MYO16: variants seen among roughly 807,000 people sequenced by gnomAD.
MYO16 encodes the protein myosin XVI.
MYO16 carries 94 observed loss-of-function variants against 205.3 expected under a neutral mutation model. The ratio of observed to expected loss-of-function variants is 0.46; its 90% CI spans 0.39 to 0.54. The LOEUF (loss-of-function observed/expected upper bound fraction) is 0.54, where lower values mean the gene tolerates loss of function less well. Ranked by LOEUF, MYO16 falls within the 20% of genes least tolerant of loss-of-function variation. The pLI is 0.00. For missense variants in MYO16, 2,315 were observed against 2,387.5 expected (o/e 0.97, Z 0.63); for synonymous variants, 988 against 954.0 (o/e 1.04, Z -0.66).
chr13:108,791,562 G>A (rs767116210), intron 5 of MYO16, among the ~76,000 whole-genome samples: 1 of 152,134 alleles, frequency 6.6e-6, no homozygotes, highest in African/African-American at 2.4e-5. Flanking sequence ...TAAGTTACTT[G>A]CCCACATTGG....
At chr13:109,075,789 T>G (rs537824605) in intron 27 of MYO16, among the ~76,000 whole-genome samples, 2 of 152,344 alleles carry the variant, frequency 1.3e-5, no homozygotes, top group Middle Eastern at 3.4e-3. Flanking sequence ...TCTTTATATA[T>G]TCTGAAGACA....
At position 108,786,068 on chromosome 13, in the gene MYO16, C is replaced by A. The variant is rs546949810; in HGVS notation, c.616+325C>A. On this transcript the variant is annotated intron_variant, in intron 5 of 34. Transcript: ENST00000457511. ...CCCTGGGAGGGGAAGGGAAGTCAACCAACACAATTGAATTTTGAGCTAATG... is the reference window on the plus strand; with the variant it reads ...CCCTGGGAGGGGAAGGGAAGTCAACAAACACAATTGAATTTTGAGCTAATG... Among the ~76,000 whole-genome samples, 10 of 152,304 alleles carry A rather than the reference C, an allele frequency of 6.6e-5. 1 individual carries two copies. The South Asian group carries it at 2.1e-3, about 32-fold the overall frequency.
At chr13:108,599,863 G>C (rs891926508) in intron 1 of MYO16, among the ~76,000 whole-genome samples, 25 of 152,140 alleles carry the variant, frequency 1.6e-4, no homozygotes, top group Admixed American at 2.0e-4. Context: ...GCCTTGTACA[G>C]GCATGGAAAG....
intron 13 of MYO16, among the ~76,000 whole-genome samples, chr13:108,886,999 A>G (rs1295482177): frequency 6.6e-6 from 1 of 152,146 alleles, no homozygotes; most frequent in Non-Finnish European, 1.5e-5. Flanking sequence ...TTTTACGAAT[A>G]TGATAAAATT....
chr13:108,755,657 A>C (rs532866835), intron 4 of MYO16, among the ~76,000 whole-genome samples: 7 of 152,138 alleles, frequency 4.6e-5, no homozygotes, highest in African/African-American at 1.7e-4. Flanking sequence ...ATTTAACTTC[A>C]AAAAAATGAA....
chr13:108,793,287 A>G (rs111595992), intron 5 of MYO16, among the ~76,000 whole-genome samples: 1 of 128,090 alleles, frequency 7.8e-6, no homozygotes, highest in African/African-American at 2.6e-5. Context: ...CTCTGTCTCA[A>G]AAAAAAAAAA....
intron 20 of MYO16, among the ~76,000 whole-genome samples, chr13:108,976,236 A>G (rs576611565): frequency 1.3e-5 from 2 of 152,180 alleles, no homozygotes; most frequent in Non-Finnish European, 2.9e-5. Flanking sequence ...ACCATATGAC[A>G]TATTTAACAT....
chr13:108,510,459 C>CTT, the MYO16 span, among the ~76,000 whole-genome samples: 14 of 25,388 alleles, frequency 5.5e-4, no homozygotes, highest in Admixed American at 1.1e-3. Context: ...ACATTGATAG[C>CTT]TGTTTTTTTT....
chr13:108,601,479 A>G (rs1878760401), intron 1 of MYO16, among the ~76,000 whole-genome samples: 1 of 152,182 alleles, frequency 6.6e-6, no homozygotes, highest in African/African-American at 2.4e-5. Flanking sequence ...AAGAACTATG[A>G]ATTATATGGT....
In MYO16 at chr13:109,100,810, C is replaced by G. The variant is rs767114310; in HGVS notation, c.3361C>G (p.Leu1121Val). 3 of 1,613,616 alleles carry G rather than the reference C, an allele frequency of 1.9e-6. No individual in the cohort carries two copies. The highest frequency in any genetic ancestry group is 2.5e-6 in the Non-Finnish European group (3 of 1,179,616). The change falls in exon 28 of 35, where the codon CTG becomes GTG. Residue 1121 changes from leucine (L) to valine (V), a missense_variant. By Grantham distance (32) the Leu-to-Val change is conservative. Around this residue, in one of 3 missense-constraint regions of MYO16, gnomAD observed 1,097 missense variants for 1,092.0 expected, o/e 1.00. Coordinates refer to ENST00000457511, the MANE Select transcript of MYO16 (RefSeq NM_001198950.3). ...GTATAAGCCACTGGCTGATACATTC[C>G]TGCGTGAGAAGAAGGAACAGTCAGC... ...SRYKPLADTF[L>V]REKKEQSAAE...
chr13:108,549,974 G>C, the MYO16 span, among the ~76,000 whole-genome samples: 1 of 152,250 alleles, frequency 6.6e-6, no homozygotes, highest in African/African-American at 2.4e-5. Flanking sequence ...TTGGATTTCT[G>C]TCCTCCATGA....
chr13:109,022,597 TCTA>T, intron 23 of MYO16, among the ~76,000 whole-genome samples: 1 of 133,014 alleles, frequency 7.5e-6, no homozygotes, highest in East Asian at 2.1e-4. Context: ...ATTTCTATAT[TCTA>T]TATACGCATA....
chr13:108,553,670 T>C, the MYO16 span, among the ~76,000 whole-genome samples: 20 of 152,236 alleles, frequency 1.3e-4, no homozygotes, highest in African/African-American at 4.8e-4. Flanking sequence ...GAGGTTATGA[T>C]GTTGACAACA....
At chr13:109,077,494 T>C (rs531070466) in intron 27 of MYO16, among the ~76,000 whole-genome samples, 2 of 152,354 alleles carry the variant, frequency 1.3e-5, no homozygotes, top group Admixed American at 1.3e-4. Context: ...CACATTATTA[T>C]CACACAGAAT....
At chr13:108,561,497 A>C in the MYO16 span, among the ~76,000 whole-genome samples, 4 of 152,126 alleles carry the variant, frequency 2.6e-5, no homozygotes, top group African/African-American at 9.7e-5. Flanking sequence ...ACATGTGAAA[A>C]CCTTGGTTTT....
At chr13:108,973,915 A>C (rs1016867041) in intron 20 of MYO16, among the ~76,000 whole-genome samples, 5 of 152,094 alleles carry the variant, frequency 3.3e-5, no homozygotes, top group African/African-American at 1.2e-4. Flanking sequence ...AAACATAATT[A>C]TAGCTTTGAA....
At chr13:108,709,095 T>C (rs549859795) in intron 2 of MYO16, among the ~76,000 whole-genome samples, 1 of 147,808 alleles carries the variant, frequency 6.8e-6, no homozygotes, top group Admixed American at 6.9e-5. Context: ...GCGGCAACAC[T>C]ATAAAAGGAA....
At chr13:109,064,666 A>G (rs1458910827) in intron 27 of MYO16, among the ~76,000 whole-genome samples, 1 of 152,140 alleles carries the variant, frequency 6.6e-6, no homozygotes, top group Non-Finnish European at 1.5e-5. Context: ...CAGATCTAGG[A>G]TATGCTCTTC....
At chr13:108,570,557 T>A in the MYO16 span, among the ~76,000 whole-genome samples, 1 of 152,198 alleles carries the variant, frequency 6.6e-6, no homozygotes, top group South Asian at 2.1e-4. Context: ...GTCTATTTCT[T>A]AAATGTTTGT....
Sources: allele counts gnomAD v4.1 joint callset (sites outside exome capture counted in the v4.1 genomes callset), GRCh38; gene constraint gnomAD v4.1.1; regional missense constraint gnomAD v4.1.1; transcripts MANE v1.5; gene names NCBI Gene and HGNC (gene_info 2026-07-23, HGNC 2026-07-21).